MAGI1: variants seen among roughly 807,000 people sequenced by gnomAD.
The protein encoded by MAGI1 is membrane associated guanylate kinase, WW and PDZ domain containing 1, also known as membrane-associated guanylate kinase, WW and PDZ domain-containing protein 1.
In MAGI1, 58 loss-of-function variants were observed where a neutral mutation model predicts 139.9. The ratio of observed to expected loss-of-function variants is 0.41; its 90% confidence interval spans 0.34 to 0.52. The LOEUF (loss-of-function observed/expected upper bound fraction) is 0.52, where lower values mean the gene tolerates loss of function less well. MAGI1 is among the 20% of genes least tolerant of loss of function. The probability of loss-of-function intolerance (pLI) is 0.12; values close to 1 mark genes in which losing one functional copy is unlikely to be tolerated. For missense variants in MAGI1, 1,874 were observed against 1,901.6 expected (o/e 0.99, Z 0.27); for synonymous variants, 812 against 737.9 (o/e 1.10, Z -1.63).
chr3:65,435,389 T>C (rs1285755001), intron 10 of MAGI1, among the ~76,000 whole-genome samples: 4 of 152,296 alleles, frequency 2.6e-5, no homozygotes, highest in Admixed American at 2.0e-4. Flanking sequence ...ACTCAGAACC[T>C]GAACCTTTAC....
chr3:66,018,935 T>C (rs1329236585), intron 1 of MAGI1, among the ~76,000 whole-genome samples: 2 of 151,602 alleles, frequency 1.3e-5, no homozygotes, highest in Non-Finnish European at 3.0e-5. Context: ...TAAATTCTCG[T>C]ATCTTCCCTG....
intron 12 of MAGI1, among the ~76,000 whole-genome samples, chr3:65,409,106 C>T (rs762226273): frequency 6.6e-6 from 1 of 152,166 alleles, no homozygotes; most frequent in Non-Finnish European, 1.5e-5. Context: ...TGAGAAGGAA[C>T]CAGTCATGAG....
intron 1 of MAGI1, among the ~76,000 whole-genome samples, chr3:65,871,217 A>T (rs1047449460): frequency 2.6e-5 from 4 of 152,096 alleles, no homozygotes; most frequent in Admixed American, 2.0e-4. Flanking sequence ...GATTACAGAC[A>T]TGAGCCCCCA....
At chr3:65,952,322 G>C (rs143557670) in intron 1 of MAGI1, among the ~76,000 whole-genome samples, 132 of 152,256 alleles carry the variant, frequency 8.7e-4, no homozygotes, top group African/African-American at 3.0e-3. Context: ...CATAATTCCT[G>C]TTTTTGACCA....
chr3:65,710,835 G>A (rs74851380), intron 1 of MAGI1, among the ~76,000 whole-genome samples: 2,898 of 152,224 alleles, frequency 0.019, 88 homozygotes, highest in African/African-American at 0.065. Context: ...TAAGGAGTCC[G>A]TTTTAAATAT....
chr3:66,001,137 G>C (rs970946728), intron 1 of MAGI1, among the ~76,000 whole-genome samples: 1 of 152,102 alleles, frequency 6.6e-6, no homozygotes, highest in Non-Finnish European at 1.5e-5. Context: ...GCCCAGAGAA[G>C]GCCCCTAAGT....
At chr3:65,960,380 C>A (rs2064364765) in intron 1 of MAGI1, among the ~76,000 whole-genome samples, 1 of 152,124 alleles carries the variant, frequency 6.6e-6, no homozygotes, top group African/African-American at 2.4e-5. Context: ...CTCATACAAC[C>A]AAATCATAGT....
At chr3:65,967,594 G>C (rs1430430665) in intron 1 of MAGI1, among the ~76,000 whole-genome samples, 1 of 152,240 alleles carries the variant, frequency 6.6e-6, no homozygotes, top group African/African-American at 2.4e-5. Flanking sequence ...AGCTAAGCTA[G>C]AGAAACCATC....
At chr3:65,360,534 G>C in intron 22 of MAGI1, 6 of 984,132 alleles carry the variant, frequency 6.1e-6, no homozygotes, top group Non-Finnish European at 7.2e-6. Context: ...CATAGGAAAG[G>C]TATAGTCACA....
At chr3:65,729,862 A>G (rs2034011791) in intron 1 of MAGI1, among the ~76,000 whole-genome samples, 1 of 152,240 alleles carries the variant, frequency 6.6e-6, no homozygotes, top group Non-Finnish European at 1.5e-5. Flanking sequence ...GCAGAACATT[A>G]AAATCACCAT....
At chr3:65,795,521 G>A (rs2108093663) in intron 1 of MAGI1, among the ~76,000 whole-genome samples, 1 of 152,128 alleles carries the variant, frequency 6.6e-6, no homozygotes, top group Middle Eastern at 3.4e-3. Context: ...GACTGAGAGG[G>A]GTTTTGTAAA....
chr3:65,701,410 A>G (rs966880953), intron 1 of MAGI1, among the ~76,000 whole-genome samples: 2 of 151,930 alleles, frequency 1.3e-5, no homozygotes, highest in Admixed American at 6.6e-5. Flanking sequence ...GCACCACCAC[A>G]CCCAGCTAAT....
chr3:66,018,406 C>T (rs2067782510), intron 1 of MAGI1, among the ~76,000 whole-genome samples: 1 of 152,172 alleles, frequency 6.6e-6, no homozygotes, highest in African/African-American at 2.4e-5. Context: ...GAGTTAAACC[C>T]TGGGATTCCA....
In MAGI1 at chr3:65,356,838, T is replaced by G. The variant is rs1240923945; in HGVS notation, c.3929A>C (p.Glu1310Ala). ...APEGRRDAQA[E>A]RAAAANGPKR... ...GGGGCCGTTGGCGGCTGCCGCGCGC[T>G]CGGCCTGCGCGTCCCTCCGTCCCTC... The change falls in exon 23 of 23, where the codon GAG becomes GCG. Residue 1310 changes from glutamate (E) to alanine (A), a missense_variant. Around this residue, in one of 5 missense-constraint regions of MAGI1, gnomAD observed 653 missense variants for 644.5 expected, o/e 1.01. Transcript: ENST00000402939. The G allele has an allele frequency of 6.2e-7, 1 of 1,612,762 alleles. No homozygotes were observed. Among genetic ancestry groups the G allele is most frequent in the Admixed American group, 1.7e-5 (1 of 59,920 alleles).
At chr3:65,990,151 G>A (rs970111258) in intron 1 of MAGI1, among the ~76,000 whole-genome samples, 7 of 152,234 alleles carry the variant, frequency 4.6e-5, no homozygotes, top group Non-Finnish European at 1.0e-4. Context: ...CAAGACCTGA[G>A]TGAGATTAAC....
chr3:65,374,313 C>CT (rs3072933), intron 18 of MAGI1, among the ~76,000 whole-genome samples: 79,508 of 95,300 alleles, frequency 0.83, 33,545 homozygotes, highest in Non-Finnish European at 0.88. Context: ...ATCAACTTAA[C>CT]TTTTTTTTTT....
intron 1 of MAGI1, among the ~76,000 whole-genome samples, chr3:65,967,041 C>CT (rs1183110271): frequency 6.6e-6 from 1 of 151,854 alleles, no homozygotes; most frequent in African/African-American, 2.4e-5. Flanking sequence ...CACAAAGAGG[C>CT]TCAGCAACTT....
At position 65,966,724 on chromosome 3, in the gene MAGI1, C is replaced by T. The variant is rs146797245; in HGVS notation, c.313+71272G>A. 6.2e-4 allele frequency among the ~76,000 whole-genome samples: 94 copies of T among 152,318 alleles called. 2 individuals are homozygous for T. In the East Asian group the frequency reaches 0.018, roughly 29 times the overall value. On this transcript the variant is annotated intron_variant, in intron 1 of 22. Transcript: ENST00000402939. ...AATTACGAGGCATCAGCTTGTTCAT[C>T]TGCAAGTGGGGATAATCTGCTTAAG...
chr3:65,360,787 A>AACCAAGTAAATAAAGACACC (rs1940768296), intron 22 of MAGI1: 1 of 1,021,736 alleles, frequency 9.8e-7, no homozygotes, highest in Admixed American at 5.1e-5. Context: ...AAGTAACCAA[A>AACCAAGTAAATAAAGACACC]AAGGAAAAAA....
Sources: gnomAD v4.1 joint callset for allele counts (sites outside exome capture counted in the v4.1 genomes callset) on GRCh38, gnomAD v4.1.1 for gene constraint, gnomAD v4.1.1 regional missense constraint, MANE v1.5 for transcripts, NCBI Gene and HGNC (gene_info 2026-07-23, HGNC 2026-07-21) for gene names.